CSTF3: variants seen among roughly 807,000 people sequenced by gnomAD.
CSTF3 encodes CF-1 77 kDa subunit.
In CSTF3, 29 loss-of-function variants were observed where a neutral mutation model predicts 105.8. That is an observed-to-expected ratio of 0.27 (90% CI 0.20 to 0.37). The LOEUF is 0.37. Among genes scored for constraint, CSTF3 ranks in the 10% least tolerant of loss-of-function variants. CSTF3 has a pLI of 1.00. For missense variants in CSTF3, 357 were observed against 879.3 expected, an observed-to-expected ratio of 0.41 and a Z score of 7.51; for synonymous variants, 252 against 281.9, an observed-to-expected ratio of 0.89 and a Z score of 1.06.
At chr11:33,158,475 A>AAAACC (rs1849894752) in intron 1 of CSTF3, among the ~76,000 whole-genome samples, 1 of 152,212 alleles carries the variant, frequency 6.6e-6, no homozygotes, top group African/African-American at 2.4e-5. Flanking sequence ...AAAACAAAAC[A>AAAACC]AAACCACCAT....
At chr11:33,102,093 G>T (rs752140748) in intron 10 of CSTF3, 84 bp downstream of exon 10, 2 of 1,042,320 alleles carry the variant, frequency 1.9e-6, no homozygotes, top group Non-Finnish European at 2.8e-6. Context: ...AAGATTAGGG[G>T]TAAGAAAATT....
At chr11:33,159,512 G>C (rs1227229199) in intron 1 of CSTF3, among the ~76,000 whole-genome samples, 1 of 140,208 alleles carries the variant, frequency 7.1e-6, no homozygotes, top group Non-Finnish European at 1.5e-5. Context: ...CAGGAGAATC[G>C]CTTGAACCGG....
chr11:33,091,312 C>T (rs1855166665), intron 16 of CSTF3, among the ~76,000 whole-genome samples: 1 of 152,208 alleles, frequency 6.6e-6, no homozygotes, highest in Non-Finnish European at 1.5e-5. Context: ...AATTAATGCT[C>T]TGAGACTACT....
At chr11:33,117,510 T>C (rs192111727) in intron 3 of CSTF3, among the ~76,000 whole-genome samples, 1 of 152,140 alleles carries the variant, frequency 6.6e-6, no homozygotes, top group African/African-American at 2.4e-5. Flanking sequence ...CAAGATTTTA[T>C]ATGTATTAAC....
rs1203350841 is a variant in CSTF3, at chr11:33,084,600, T to G, written c.*487A>C. On this transcript the variant is annotated 3_prime_UTR_variant, in exon 21 of 21. Coordinates refer to ENST00000323959, the MANE Select transcript of CSTF3 (RefSeq NM_001326.3). ...GAAGCATGATGTTTCTGAATCCTTT[T>G]ATTTTTTAAAGGACTTTTAAAATTT... 1 of 156,598 alleles carries G rather than the reference T, an allele frequency of 6.4e-6. No homozygotes were observed. Among genetic ancestry groups the G allele is most frequent in the African/African-American group, 2.4e-5 (1 of 41,490 alleles). 9.7% of individuals were successfully genotyped at this position (156,598 alleles called of 1,614,324 possible).
chr11:33,146,113 C>T (rs1176448882), intron 1 of CSTF3, among the ~76,000 whole-genome samples: 5 of 152,020 alleles, frequency 3.3e-5, no homozygotes, highest in African/African-American at 1.2e-4. Context: ...TGGTGCACAC[C>T]TGTAGTCCCA....
At chr11:33,097,161 C>T (rs1390876836) in intron 13 of CSTF3, among the ~76,000 whole-genome samples, 183 bp from the exon 14 acceptor site, 1 of 152,158 alleles carries the variant, frequency 6.6e-6, no homozygotes. Context: ...TTTATTGAGA[C>T]ATAATTCACA....
At chr11:33,108,259 G>C (rs1855346045) in intron 4 of CSTF3, 127 bp downstream of exon 4, 1 of 972,532 alleles carries the variant, frequency 1.0e-6, no homozygotes, top group Admixed American at 3.9e-5. Flanking sequence ...AGCTGAATAA[G>C]TACAATTAAC....
intron 18 of CSTF3, among the ~76,000 whole-genome samples, chr11:33,086,467 C>T (rs1030986419): frequency 2.7e-5 from 4 of 149,162 alleles, no homozygotes; most frequent in East Asian, 2.0e-4. Context: ...TACAGAGTGT[C>T]GCTCTTGTTG....
rs1356401615 is a variant in CSTF3, at chr11:33,099,477, T to G, written c.936+131A>C. ...TCTAATTATATGAGTGTCACTAAGA[T>G]TCATATGAACGTAAACTTAAATTTT... On this transcript the variant is annotated intron_variant, in intron 11 of 20. Transcript: ENST00000323959. The surrounding 1 kb of genome is among the most constrained non-coding windows in gnomAD (Gnocchi z 4.1). 5.8e-6 allele frequency: 4 copies of G among 690,628 alleles called. No individual in the cohort carries two copies. Among genetic ancestry groups the G allele is most frequent in the Non-Finnish European group, 9.7e-6 (4 of 411,212 alleles). 42.8% of individuals were successfully genotyped at this position (690,628 alleles called of 1,614,324 possible).
chr11:33,119,651 GACT>G (rs1358719736), intron 3 of CSTF3, among the ~76,000 whole-genome samples: 2 of 151,622 alleles, frequency 1.3e-5, no homozygotes, highest in African/African-American at 4.8e-5. Context: ...ATATTCCTCA[GACT>G]ACTTTAGTTT....
intron 3 of CSTF3, among the ~76,000 whole-genome samples, chr11:33,121,732 T>C (rs1855491917): frequency 6.6e-6 from 1 of 152,112 alleles, no homozygotes; most frequent in Admixed American, 6.6e-5. Flanking sequence ...AGCTCTGGGT[T>C]AAGGTGGTGA....
At chr11:33,159,643 C>T (rs1340367836) in intron 1 of CSTF3, among the ~76,000 whole-genome samples, 2 of 144,280 alleles carry the variant, frequency 1.4e-5, no homozygotes, top group Non-Finnish European at 3.0e-5. Flanking sequence ...CATGGTGGCG[C>T]GCGCCTGTAC....
intron 1 of CSTF3, among the ~76,000 whole-genome samples, chr11:33,152,701 C>A (rs1255048043): frequency 3.9e-5 from 6 of 152,182 alleles, no homozygotes; most frequent in African/African-American, 1.4e-4. Flanking sequence ...TGACTCACGC[C>A]TGTAATCTCA....
At chr11:33,137,241 T>C (rs968364819) in intron 3 of CSTF3, among the ~76,000 whole-genome samples, 8 of 151,864 alleles carry the variant, frequency 5.3e-5, no homozygotes, top group Non-Finnish European at 1.5e-5. Context: ...AAGATTTTGC[T>C]TGAAAATAAA....
intron 3 of CSTF3, among the ~76,000 whole-genome samples, chr11:33,130,449 G>T (rs1038143494): frequency 3.9e-5 from 6 of 152,082 alleles, no homozygotes; most frequent in Non-Finnish European, 7.4e-5. Flanking sequence ...CTCCAGCCTG[G>T]GCAAGAGTGA....
chr11:33,100,716 C>CA (rs1271970722), intron 10 of CSTF3, among the ~76,000 whole-genome samples: 24 of 152,260 alleles, frequency 1.6e-4, no homozygotes, highest in African/African-American at 2.6e-4. Context: ...AGAAAGGCTT[C>CA]ACTAAGGAAC....
Position 33,084,980 on chromosome 11 carries a change from C to T in CSTF3, c.*107G>A. The T allele has an allele frequency of 8.2e-7, 1 of 1,226,460 alleles. No individual in the cohort carries two copies. The highest frequency in any genetic ancestry group is 1.2e-6 in the Non-Finnish European group (1 of 849,062). 76.0% of individuals were successfully genotyped at this position (1,226,460 alleles called of 1,614,324 possible). A position where few individuals can be genotyped will look rare whatever the true frequency, so the allele number is the denominator to read the frequency against. On this transcript the variant is annotated 3_prime_UTR_variant, in exon 21 of 21. Coordinates refer to ENST00000323959, the MANE Select transcript of CSTF3 (RefSeq NM_001326.3). ...TGTGATAGAGGCACCAATGACAATA[C>T]AACTTTGTTTCCAAGAACCTTGTAA...
In CSTF3 at chr11:33,121,031, C is replaced by T. The variant is rs72905002; in HGVS notation, c.226-12613G>A. Among the ~76,000 whole-genome samples the T allele has an allele frequency of 7.6e-3, 1,154 of 152,130 alleles. 8 individuals carry two copies. Among genetic ancestry groups the T allele is most frequent in the Non-Finnish European group, 0.013 (901 of 67,896 alleles). On this transcript the variant is annotated intron_variant, in intron 3 of 20. Transcript: ENST00000323959. ...GTTAGATTTTTCACAGGATTTCGAT[C>T]TTTCCGTGAGCACACCCAAATCAAT...
Sources: allele counts gnomAD v4.1 joint callset (sites outside exome capture counted in the v4.1 genomes callset), GRCh38; gene constraint gnomAD v4.1.1; non-coding constraint Gnocchi (gnomAD v3.1); transcripts MANE v1.5; gene names NCBI Gene and HGNC (gene_info 2026-07-23, HGNC 2026-07-21).